LEF1: variants seen among roughly 807,000 people sequenced by gnomAD.
LEF1 encodes the protein lymphoid enhancer-binding factor 1.
A neutral mutation model predicts 51.2 loss-of-function variants in LEF1; 14 were observed. That is an observed-to-expected ratio of 0.27 (90% confidence interval 0.18 to 0.43). The LOEUF (loss-of-function observed/expected upper bound fraction) is 0.43. Among genes scored for constraint, LEF1 ranks in the 20% least tolerant of loss-of-function variants. The probability of loss-of-function intolerance (pLI) is 1.00; values close to 1 mark genes in which losing one functional copy is unlikely to be tolerated. For missense variants in LEF1, 386 were observed against 512.0 expected (o/e 0.75, Z 2.37); for synonymous variants, 185 against 183.2 (o/e 1.01, Z -0.08).
At chr4:108,114,914 G>A (rs927286182) in intron 3 of LEF1, among the ~76,000 whole-genome samples, 5 of 152,346 alleles carry the variant, frequency 3.3e-5, no homozygotes, top group African/African-American at 1.2e-4. Flanking sequence ...ATCCCGAGCA[G>A]CACTTATGGG....
intron 11 of LEF1, among the ~76,000 whole-genome samples, chr4:108,053,326 GA>G (rs1285577404): frequency 1.3e-5 from 2 of 152,204 alleles, no homozygotes; most frequent in African/African-American, 4.8e-5. Flanking sequence ...AAAGAAAAAT[GA>G]AAATGTGTGG....
At chr4:108,065,521 C>T (rs2126268662) in intron 9 of LEF1, among the ~76,000 whole-genome samples, 1 of 152,234 alleles carries the variant, frequency 6.6e-6, no homozygotes, top group East Asian at 1.9e-4. Flanking sequence ...AAGAAGACTC[C>T]ATTATTTTTG....
At chr4:108,157,179 T>TATATACAC (rs780217431) in intron 3 of LEF1, among the ~76,000 whole-genome samples, 1,485 of 116,752 alleles carry the variant, frequency 0.013, 109 homozygotes, top group Admixed American at 0.11. Flanking sequence ...TATATATATA[T>TATATACAC]ACACACACAC....
intron 3 of LEF1, among the ~76,000 whole-genome samples, chr4:108,123,401 C>G (rs1415465890): frequency 6.8e-6 from 1 of 146,470 alleles, no homozygotes; most frequent in Non-Finnish European, 1.5e-5. Context: ...AAAGATATAG[C>G]CTTTGGGACC....
intron 8 of LEF1, among the ~76,000 whole-genome samples, chr4:108,077,880 G>GA (rs567360812): frequency 0.011 from 1,708 of 150,016 alleles, 11 homozygotes; most frequent in Non-Finnish European, 0.018. Context: ...TTTTAAATTG[G>GA]AAAAAAAAAA....
At chr4:108,142,673 A>G (rs1378348052) in intron 3 of LEF1, among the ~76,000 whole-genome samples, 1 of 152,216 alleles carries the variant, frequency 6.6e-6, no homozygotes, top group Non-Finnish European at 1.5e-5. Flanking sequence ...ATATAGTGTT[A>G]CATATGTCCA....
chr4:108,059,262 C>T (rs969533741), intron 11 of LEF1, among the ~76,000 whole-genome samples: 3 of 152,208 alleles, frequency 2.0e-5, no homozygotes, highest in Admixed American at 6.5e-5. Flanking sequence ...GCGGCCACTG[C>T]GCTGGCGCTG....
At chr4:108,157,177 T>TACACACACACACACACAC (rs1326345518) in intron 3 of LEF1, among the ~76,000 whole-genome samples, 145 of 89,338 alleles carry the variant, frequency 1.6e-3, no homozygotes, top group East Asian at 3.4e-3. Flanking sequence ...TCTATATATA[T>TACACACACACACACACAC]ATACACACAC....
chr4:108,163,523 A>G, intron 3 of LEF1, 45 bp downstream of exon 3: 3 of 1,590,802 alleles, frequency 1.9e-6, no homozygotes, highest in East Asian at 2.2e-5. Context: ...ATACAAATCA[A>G]TTTGCACTTC....
At chr4:108,082,082 A>C (rs182329130) in intron 5 of LEF1, among the ~76,000 whole-genome samples, 1 of 152,334 alleles carries the variant, frequency 6.6e-6, no homozygotes, top group African/African-American at 2.4e-5. Context: ...CAAGGGAAGA[A>C]AGAAGAAAAT....
intron 3 of LEF1, among the ~76,000 whole-genome samples, chr4:108,140,326 G>A (rs1743560732): frequency 6.6e-6 from 1 of 152,182 alleles, no homozygotes; most frequent in African/African-American, 2.4e-5. Flanking sequence ...ATTCATTGAT[G>A]TTGGCTCATA....
chr4:108,090,936 A>G (rs1205473943), intron 3 of LEF1, among the ~76,000 whole-genome samples: 1 of 152,178 alleles, frequency 6.6e-6, no homozygotes, highest in African/African-American at 2.4e-5. Context: ...TTTTAAACTA[A>G]TCTAATAATT....
chr4:108,116,443 G>A (rs1037875158), intron 3 of LEF1, among the ~76,000 whole-genome samples: 3 of 152,116 alleles, frequency 2.0e-5, no homozygotes, highest in East Asian at 1.9e-4. Context: ...GACTGCTTGC[G>A]CCCAGGAGGT....
At chr4:108,132,407 C>A (rs899809018) in intron 3 of LEF1, among the ~76,000 whole-genome samples, 4 of 152,072 alleles carry the variant, frequency 2.6e-5, no homozygotes, top group African/African-American at 9.7e-5. Flanking sequence ...TCTGTTTTTG[C>A]AACTCGAGTC....
At chr4:108,101,630 C>A (rs188840323) in intron 3 of LEF1, among the ~76,000 whole-genome samples, 1 of 152,094 alleles carries the variant, frequency 6.6e-6, no homozygotes, top group African/African-American at 2.4e-5. Context: ...TTGGAGTTTG[C>A]GACCCATGAG....
At chr4:108,148,793 A>G (rs1198289342) in intron 3 of LEF1, among the ~76,000 whole-genome samples, 1 of 152,232 alleles carries the variant, frequency 6.6e-6, no homozygotes. Context: ...AGAAACTCCT[A>G]TAACAACATA....
intron 3 of LEF1, among the ~76,000 whole-genome samples, chr4:108,140,586 G>A (rs1375982809): frequency 1.3e-5 from 2 of 152,128 alleles, no homozygotes; most frequent in Admixed American, 1.3e-4. Flanking sequence ...ATCAAACTGA[G>A]CAGAAGCAAT....
intron 9 of LEF1, among the ~76,000 whole-genome samples, chr4:108,068,962 G>C (rs1405192649): frequency 1.3e-5 from 2 of 152,176 alleles, no homozygotes; most frequent in Non-Finnish European, 2.9e-5. Flanking sequence ...AATTACTATA[G>C]ACTGAATGTT....
chr4:108,112,567 A>AT (rs1203157614), intron 3 of LEF1, among the ~76,000 whole-genome samples: 3 of 152,102 alleles, frequency 2.0e-5, no homozygotes, highest in Non-Finnish European at 2.9e-5. Flanking sequence ...CTGTGCCTTG[A>AT]TTTTTCCTCA....
Sources: gnomAD v4.1 joint callset for allele counts (sites outside exome capture counted in the v4.1 genomes callset) on GRCh38, gnomAD v4.1.1 for gene constraint, MANE v1.5 for transcripts, NCBI Gene and HGNC (gene_info 2026-07-23, HGNC 2026-07-21) for gene names.